TRIO: variants seen among roughly 807,000 people sequenced by gnomAD.
TRIO encodes the protein triple functional domain protein.
In TRIO, 58 loss-of-function variants were observed where a neutral mutation model predicts 351.9. The ratio of observed to expected loss-of-function variants is 0.16; its 90% CI spans 0.13 to 0.21. The LOEUF (loss-of-function observed/expected upper bound fraction) is 0.21, where lower values mean the gene tolerates loss of function less well. Among genes scored for constraint, TRIO ranks in the 10% least tolerant of loss-of-function variants. TRIO has a pLI of 1.00. For synonymous variants in TRIO, 1,758 were observed against 1,595.7 expected (o/e 1.10, Z -2.42); for missense variants, 3,201 against 4,027.8 (o/e 0.79, Z 5.56).
At chr5:14,168,529 T>C (rs1397555215) in intron 1 of TRIO, among the ~76,000 whole-genome samples, 1 of 152,232 alleles carries the variant, frequency 6.6e-6, no homozygotes, top group African/African-American at 2.4e-5. Flanking sequence ...TCAGGAGGAT[T>C]GATGTGCAAT....
At chr5:14,406,296 C>T (rs559992462) in intron 32 of TRIO, 3 of 555,660 alleles carry the variant, frequency 5.4e-6, no homozygotes, top group South Asian at 2.2e-5. Flanking sequence ...TATAAAGCAT[C>T]GAGATGTTGC....
intron 28 of TRIO, among the ~76,000 whole-genome samples, chr5:14,395,994 C>T (rs1301928096): frequency 4.9e-5 from 7 of 143,068 alleles, no homozygotes; most frequent in Non-Finnish European, 8.9e-5. Context: ...TGCAGTGAGC[C>T]GAGATCACGC....
At chr5:14,506,978 T>G in intron 55 of TRIO, 144 bp from the exon 56 acceptor site, 3 of 1,135,398 alleles carry the variant, frequency 2.6e-6, no homozygotes, top group Non-Finnish European at 3.5e-6. Flanking sequence ...CCTCCTTGTC[T>G]AGTCACGCCT....
chr5:14,363,502 C>G (rs1045771115), intron 13 of TRIO, among the ~76,000 whole-genome samples: 11 of 152,096 alleles, frequency 7.2e-5, no homozygotes, highest in African/African-American at 2.4e-4. Context: ...GTATCTGTGG[C>G]CATTGGGAAC....
rs2166395 is a variant in TRIO, at chr5:14,427,693, G to A, written c.5203+7672G>A. On this transcript the variant is annotated intron_variant, in intron 34 of 56. Coordinates refer to ENST00000344204, the MANE Select transcript of TRIO (RefSeq NM_007118.4). ...TCACCGGGGCAGTCACGTCAGGATG[G>A]AGAGGTCCCATGTCAGCCAGTTCTT... Among the ~76,000 whole-genome samples, 1,036 of 152,252 alleles carry A rather than the reference G, an allele frequency of 6.8e-3. 10 individuals are homozygous for A. The highest frequency in any genetic ancestry group is 0.023 in the African/African-American group (945 of 41,556).
intron 7 of TRIO, among the ~76,000 whole-genome samples, chr5:14,299,263 A>G (rs1251808916): frequency 1.3e-5 from 2 of 152,186 alleles, no homozygotes; most frequent in Non-Finnish European, 2.9e-5. Context: ...GAAGGAAATG[A>G]AACTAGGTGA....
At chr5:14,403,556 G>A (rs1190448271) in intron 31 of TRIO, among the ~76,000 whole-genome samples, 1 of 107,090 alleles carries the variant, frequency 9.3e-6, no homozygotes, top group Non-Finnish European at 1.9e-5. Context: ...GGTTGTGAGG[G>A]TGCAGGTTGT....
At chr5:14,481,466 C>G in intron 44 of TRIO, 75 bp from the exon 45 acceptor site, 1 of 1,553,590 alleles carries the variant, frequency 6.4e-7, no homozygotes, top group Non-Finnish European at 8.9e-7. Context: ...AGAACTTCAT[C>G]AGGTCAGAGG....
chr5:14,504,648 G>A (rs1369626142), intron 55 of TRIO, 55 bp downstream of exon 55: 13 of 1,578,270 alleles, frequency 8.2e-6, no homozygotes, highest in Non-Finnish European at 1.0e-5. Context: ...ACCTCAGGGG[G>A]TTTTGTTGTT....
In TRIO at chr5:14,293,111, A is replaced by G. The variant is rs1737049454; in HGVS notation, c.1153A>G (p.Asn385Asp). 6.2e-7 allele frequency: 1 copy of G among 1,614,060 alleles called. No homozygotes were observed. The highest frequency in any genetic ancestry group is 8.5e-7 in the Non-Finnish European group (1 of 1,180,016). The part of the protein sequence containing the change: ...PHAMELQTQH[N>D]HFAMNCMNVY... ...TGCCATGGAGCTTCAGACGCAGCAC[A>G]ATCACTTTGCCATGAACTGTATGGT... The change falls in exon 6 of 57, where the codon AAT (asparagine) becomes GAT (aspartate). Residue 385 changes from asparagine (N) to aspartate (D), a missense_variant. Asn to Asp is a conservative substitution (Grantham distance 23). This residue lies in a region of TRIO where 349 missense variants were observed against 449.3 expected (regional missense o/e 0.78). Coordinates refer to ENST00000344204, the MANE Select transcript of TRIO (RefSeq NM_007118.4).
At chr5:14,472,713 G>C in intron 39 of TRIO, 55 bp downstream of exon 39, 1 of 1,589,580 alleles carries the variant, frequency 6.3e-7, no homozygotes, top group African/African-American at 1.3e-5. Context: ...GTTGTCAAAA[G>C]TAGTATCGTT....
chr5:14,303,139 G>T (rs1441630280), intron 7 of TRIO, among the ~76,000 whole-genome samples: 1 of 150,024 alleles, frequency 6.7e-6, no homozygotes, highest in African/African-American at 2.4e-5. Context: ...GAGATGGGGG[G>T]TGTCAGTGGA....
At chr5:14,356,591 G>T (rs1446598067) in intron 11 of TRIO, among the ~76,000 whole-genome samples, 1 of 152,136 alleles carries the variant, frequency 6.6e-6, no homozygotes, top group East Asian at 1.9e-4. Flanking sequence ...GCATACACCT[G>T]CCATATGATC....
At chr5:14,349,200 GCA>G (rs1387202306) in intron 11 of TRIO, among the ~76,000 whole-genome samples, 15 of 147,910 alleles carry the variant, frequency 1.0e-4, no homozygotes, top group East Asian at 4.1e-4. Context: ...GTATATGTGT[GCA>G]CACACATGAT....
At chr5:14,359,591 ACCGGCGCCCTCTTGTCTCTG>A in intron 13 of TRIO, 60 bp downstream of exon 13, 1 of 1,578,922 alleles carries the variant, frequency 6.3e-7, no homozygotes, top group Non-Finnish European at 8.6e-7. Flanking sequence ...CCTCCACAGC[ACCGGCGCCCTCTTGTCTCTG>A]CCCTGCTGAG....
chr5:14,380,865 C>A (rs567192129), intron 20 of TRIO, among the ~76,000 whole-genome samples: 2 of 152,230 alleles, frequency 1.3e-5, no homozygotes, highest in Admixed American at 1.3e-4. Flanking sequence ...GGCACATATA[C>A]ACCATGGAAT....
chr5:14,157,093 G>A (rs796418292), intron 1 of TRIO, among the ~76,000 whole-genome samples: 4 of 150,474 alleles, frequency 2.7e-5, no homozygotes, highest in South Asian at 2.1e-4. Context: ...TGGGTCGAGC[G>A]GACCTTTCTC....
chr5:14,284,616 A>G (rs1365401448), intron 3 of TRIO, among the ~76,000 whole-genome samples: 2 of 152,098 alleles, frequency 1.3e-5, no homozygotes, highest in African/African-American at 4.8e-5. Context: ...TTAAGCCTGG[A>G]GTCATTCAGG....
At chr5:14,424,555 G>A (rs1750479081) in intron 34 of TRIO, among the ~76,000 whole-genome samples, 1 of 152,026 alleles carries the variant, frequency 6.6e-6, no homozygotes. Flanking sequence ...TAAACCCAGG[G>A]GCTTTAACTC....
Sources: gnomAD v4.1 joint callset for allele counts (sites outside exome capture counted in the v4.1 genomes callset) on GRCh38, gnomAD v4.1.1 for gene constraint, gnomAD v4.1.1 regional missense constraint, MANE v1.5 for transcripts, NCBI Gene and HGNC (gene_info 2026-07-23, HGNC 2026-07-21) for gene names.